Variants in ADAMTS17 observed in about 807,000 individuals in gnomAD.
ADAMTS17 encodes the protein ADAM metallopeptidase with thrombospondin type 1 motif 17.
ADAMTS17 carries 113 observed loss-of-function variants against 141.5 expected under a neutral mutation model. The observed-to-expected ratio is 0.80, with a 90% CI of 0.69 to 0.93. ADAMTS17 has a LOEUF of 0.93. Ranked by LOEUF, ADAMTS17 falls within the 40% of genes least tolerant of loss-of-function variation. The pLI is 0.00. For synonymous variants in ADAMTS17, 768 were observed against 630.6 expected (o/e 1.22, Z -3.27); for missense variants, 1,659 against 1,517.9 (o/e 1.09, Z -1.54).
At chr15:100,050,771 T>C (rs1295872583) in intron 17 of ADAMTS17, among the ~76,000 whole-genome samples, 1 of 152,224 alleles carries the variant, frequency 6.6e-6, no homozygotes, top group Non-Finnish European at 1.5e-5. Context: ...GTCAACCTTC[T>C]GTCCCAACTC....
At chr15:100,054,928 G>T (rs528996401) in intron 15 of ADAMTS17, among the ~76,000 whole-genome samples, 3 of 152,144 alleles carry the variant, frequency 2.0e-5, no homozygotes, top group African/African-American at 4.8e-5. Flanking sequence ...TTCCCACTTC[G>T]GGGTGAAGAT....
intron 7 of ADAMTS17, among the ~76,000 whole-genome samples, chr15:100,230,463 G>C (rs764228432): frequency 6.6e-6 from 1 of 152,204 alleles, no homozygotes; most frequent in African/African-American, 2.4e-5. Flanking sequence ...AGCAGGGAGG[G>C]ATCTGAGGCC....
At chr15:100,159,951 C>T (rs2141399190) in intron 8 of ADAMTS17, among the ~76,000 whole-genome samples, 1 of 152,314 alleles carries the variant, frequency 6.6e-6, no homozygotes, top group East Asian at 1.9e-4. Flanking sequence ...GAACCATGAG[C>T]TGCGTTCTGG....
chr15:100,333,639 C>T (rs1194018456), intron 2 of ADAMTS17, among the ~76,000 whole-genome samples: 1 of 152,258 alleles, frequency 6.6e-6, no homozygotes, highest in Non-Finnish European at 1.5e-5. Flanking sequence ...GCTCTGCCCA[C>T]TGCCCTTGCT....
chr15:100,065,214 A>G lies in ADAMTS17; in HGVS notation c.2138-11160T>C, dbSNP rs376600834. Among the ~76,000 whole-genome samples the G allele has an allele frequency of 3.9e-5, 6 of 152,342 alleles. No individual in the cohort carries two copies. The East Asian group carries it at 1.2e-3, about 29-fold the overall frequency. On this transcript the variant is annotated intron_variant, in intron 15 of 21. Transcript: ENST00000268070. ...AATATTTTGGTGACCAGCCTTTTCAACACCTCTTAATGCATATAAACATAC... is the reference window on the plus strand; with the variant it reads ...AATATTTTGGTGACCAGCCTTTTCAGCACCTCTTAATGCATATAAACATAC...
chr15:100,141,175 G>A (rs1047698221), intron 10 of ADAMTS17, among the ~76,000 whole-genome samples: 1 of 152,194 alleles, frequency 6.6e-6, no homozygotes, highest in Non-Finnish European at 1.5e-5. Context: ...TTGCTGCATA[G>A]TTCCTCGAGC....
At chr15:100,123,176 A>AG (rs2037537709) in intron 12 of ADAMTS17, among the ~76,000 whole-genome samples, 1 of 152,188 alleles carries the variant, frequency 6.6e-6, no homozygotes, top group South Asian at 2.1e-4. Flanking sequence ...CGAGTGCAGC[A>AG]GGGACCAGAT....
intron 4 of ADAMTS17, among the ~76,000 whole-genome samples, chr15:100,269,835 C>T (rs1390683546): frequency 6.6e-6 from 1 of 152,188 alleles, no homozygotes; most frequent in Admixed American, 6.5e-5. Flanking sequence ...AGCTTGGAGA[C>T]TCGGTCTTCA....
intron 7 of ADAMTS17, among the ~76,000 whole-genome samples, chr15:100,246,666 C>G (rs1196055072): frequency 1.3e-5 from 2 of 152,164 alleles, no homozygotes; most frequent in Non-Finnish European, 2.9e-5. Flanking sequence ...AGAACTTACT[C>G]ATTTGAAGGA....
At chr15:100,212,218 A>G (rs993633984) in intron 7 of ADAMTS17, among the ~76,000 whole-genome samples, 29 of 152,144 alleles carry the variant, frequency 1.9e-4, no homozygotes, top group African/African-American at 6.3e-4. Context: ...CAAGTAGGAG[A>G]ATTCACTGAA....
intron 13 of ADAMTS17, among the ~76,000 whole-genome samples, chr15:100,114,605 G>C (rs1176588463): frequency 6.6e-6 from 1 of 152,218 alleles, no homozygotes; most frequent in Non-Finnish European, 1.5e-5. Flanking sequence ...TCAAACGCGA[G>C]ATACTTACTG....
At chr15:100,281,099 G>A in intron 4 of ADAMTS17, 130 bp downstream of exon 4, 3 of 1,313,222 alleles carry the variant, frequency 2.3e-6, no homozygotes, top group Non-Finnish European at 3.1e-6. Context: ...AGAATTACCA[G>A]GCTATGTTCC....
intron 7 of ADAMTS17, among the ~76,000 whole-genome samples, chr15:100,236,950 A>G (rs1243555337): frequency 6.6e-6 from 1 of 152,170 alleles, no homozygotes; most frequent in Non-Finnish European, 1.5e-5. Context: ...GCTGAATCCC[A>G]TGGTTCCCAG....
chr15:100,033,808 T>C (rs1353136675), intron 18 of ADAMTS17, among the ~76,000 whole-genome samples: 2 of 152,222 alleles, frequency 1.3e-5, no homozygotes, highest in African/African-American at 4.8e-5. Flanking sequence ...ATTCTTTCTA[T>C]ATTCTCTTAT....
chr15:99,993,692 AAGG>A lies in ADAMTS17; in HGVS notation c.2797-495_2797-493del, dbSNP rs1219217041. Reference sequence around the variant, plus strand: ...ACAAACTCCTCGATCCAGCCGGGAGAAGGAGGAGGAGGCGGCAGAAGGAAGGAA... The same window carrying A: ...ACAAACTCCTCGATCCAGCCGGGAGAAGGAGGAGGCGGCAGAAGGAAGGAA... On this transcript the variant is annotated intron_variant, in intron 19 of 21. Coordinates refer to ENST00000268070, the MANE Select transcript of ADAMTS17 (RefSeq NM_139057.4). The surrounding 1 kb of genome is among the most constrained non-coding windows in gnomAD (Gnocchi z 4.3). Among the ~76,000 whole-genome samples, 1 of 152,006 alleles carries A rather than the reference AAGG, an allele frequency of 6.6e-6. No individual in the cohort carries two copies. Among genetic ancestry groups the A allele is most frequent in the Non-Finnish European group, 1.5e-5 (1 of 68,016 alleles).
chr15:100,287,925 A>G (rs1052729614), intron 3 of ADAMTS17, among the ~76,000 whole-genome samples: 1 of 152,262 alleles, frequency 6.6e-6, no homozygotes, highest in African/African-American at 2.4e-5. Context: ...GTAGATAGCC[A>G]TTGACACTAT....
intron 18 of ADAMTS17, among the ~76,000 whole-genome samples, chr15:100,022,697 G>A (rs1029479625): frequency 6.6e-6 from 1 of 152,188 alleles, no homozygotes; most frequent in Non-Finnish European, 1.5e-5. Flanking sequence ...ACTCTGGATT[G>A]CTTTGGATAA....
intron 15 of ADAMTS17, among the ~76,000 whole-genome samples, chr15:100,065,202 C>G (rs2033429255): frequency 6.6e-6 from 1 of 152,122 alleles, no homozygotes; most frequent in Non-Finnish European, 1.5e-5. Flanking sequence ...ATTTTGGTGA[C>G]CAGCCTTTTC....
chr15:100,308,346 A>G (rs1436673660), intron 3 of ADAMTS17, among the ~76,000 whole-genome samples: 1 of 152,220 alleles, frequency 6.6e-6, no homozygotes, highest in East Asian at 1.9e-4. Context: ...GAAGGAAAAA[A>G]GCAAAAGACG....
Sources: allele counts gnomAD v4.1 joint callset (sites outside exome capture counted in the v4.1 genomes callset), GRCh38; gene constraint gnomAD v4.1.1; non-coding constraint Gnocchi (gnomAD v3.1); transcripts MANE v1.5; gene names NCBI Gene and HGNC (gene_info 2026-07-23, HGNC 2026-07-21).